BST1: variants seen among roughly 807,000 people sequenced by gnomAD.
BST1 encodes bone marrow stromal cell antigen 1, also known as ADP-ribosyl cyclase/cyclic ADP-ribose hydrolase 2.
A neutral mutation model predicts 40.6 loss-of-function variants in BST1; 49 were observed. The observed-to-expected ratio is 1.21, with a 90% confidence interval of 0.96 to 1.53. The LOEUF is 1.53. Ranked by LOEUF, BST1 falls within the 40% of genes most tolerant of loss-of-function variation. BST1 has a pLI of 0.00. For synonymous variants in BST1, 157 were observed against 159.3 expected (o/e 0.99, Z 0.11); for missense variants, 423 against 395.9 (o/e 1.07, Z -0.58).
downstream of BST1, among the ~76,000 whole-genome samples, chr4:15,739,628 A>G (rs10023845): frequency 0.28 from 41,675 of 149,842 alleles, 6,158 homozygotes; most frequent in East Asian, 0.55. Context: ...AAGGGTTTTC[A>G]TTTGACTTGT....
intron 4 of BST1, 37 bp from the exon 5 acceptor site, chr4:15,715,248 G>C (rs757291144): frequency 6.3e-7 from 1 of 1,581,520 alleles, no homozygotes; most frequent in Admixed American, 1.7e-5. Flanking sequence ...AAAATGTCAC[G>C]TCTTTATTTG....
chr4:15,717,760 G>A (rs1288599399), intron 6 of BST1, among the ~76,000 whole-genome samples: 1 of 152,196 alleles, frequency 6.6e-6, no homozygotes, highest in Non-Finnish European at 1.5e-5. Context: ...ATTAGAGAAA[G>A]TATGAAAATA....
intron 3 of BST1, among the ~76,000 whole-genome samples, 195 bp from the exon 4 acceptor site, chr4:15,711,612 T>C (rs1720208562): frequency 6.6e-6 from 1 of 152,236 alleles, no homozygotes; most frequent in Non-Finnish European, 1.5e-5. Context: ...CCAACATCTT[T>C]AGTATCATGG....
downstream of BST1, among the ~76,000 whole-genome samples, chr4:15,741,729 C>T (rs775207935): frequency 1.2e-4 from 19 of 152,214 alleles, no homozygotes; most frequent in Non-Finnish European, 2.5e-4. Flanking sequence ...TACTGGAACT[C>T]AGCCATGCTC....
chr4:15,768,480 C>CTTTTTTTT, the BST1 span, among the ~76,000 whole-genome samples: 1 of 91,052 alleles, frequency 1.1e-5, no homozygotes, highest in Non-Finnish European at 2.0e-5. Context: ...TGGACAGTAT[C>CTTTTTTTT]TTTTTTTTTT....
downstream of BST1, among the ~76,000 whole-genome samples, chr4:15,735,748 A>T (rs1394145275): frequency 6.6e-6 from 1 of 152,154 alleles, no homozygotes; most frequent in Non-Finnish European, 1.5e-5. Context: ...AGCTTGGAAA[A>T]CACAGTGTCT....
the BST1 span, among the ~76,000 whole-genome samples, chr4:15,757,960 A>G: frequency 6.6e-6 from 1 of 152,140 alleles, no homozygotes; most frequent in East Asian, 1.9e-4. Flanking sequence ...TTAAACATTA[A>G]ATGTCTAATG....
chr4:15,709,915 A>G (rs2148880715), intron 3 of BST1, among the ~76,000 whole-genome samples: 1 of 152,264 alleles, frequency 6.6e-6, no homozygotes, highest in Non-Finnish European at 1.5e-5. Flanking sequence ...AAAATAGCAA[A>G]GCCAAACCAT....
the BST1 span, among the ~76,000 whole-genome samples, chr4:15,752,703 G>A: frequency 6.6e-6 from 1 of 152,056 alleles, no homozygotes; most frequent in African/African-American, 2.4e-5. Context: ...CAGAAGCAAA[G>A]GCCCCGTGGT....
intron 6 of BST1, among the ~76,000 whole-genome samples, chr4:15,716,425 A>G (rs1413301072): frequency 6.6e-6 from 1 of 152,208 alleles, no homozygotes; most frequent in African/African-American, 2.4e-5. Context: ...GCCATGATGG[A>G]GATTCAGAAG....
At chr4:15,743,327 A>C in the BST1 span, 1 of 349,444 alleles carries the variant, frequency 2.9e-6, no homozygotes, top group Non-Finnish European at 5.6e-6. Flanking sequence ...AAAAGCATGC[A>C]CATCTTACAG....
downstream of BST1, among the ~76,000 whole-genome samples, chr4:15,736,631 G>A (rs1397053408): frequency 5.3e-5 from 8 of 151,488 alleles, no homozygotes; most frequent in South Asian, 2.1e-4. Flanking sequence ...AAAAATCTGC[G>A]ATTCAAGATC....
intron 5 of BST1, 21 bp downstream of exon 5, chr4:15,715,382 A>C (rs1720453517): frequency 6.2e-7 from 1 of 1,610,254 alleles, no homozygotes; most frequent in South Asian, 1.1e-5. Context: ...CAGCACATTC[A>C]AACACAAGAG....
the BST1 span, among the ~76,000 whole-genome samples, chr4:15,753,290 C>G: frequency 6.6e-6 from 1 of 152,126 alleles, no homozygotes; most frequent in African/African-American, 2.4e-5. Context: ...TATGTCAGAG[C>G]TGATAGCATG....
At chr4:15,746,147 C>T in the BST1 span, among the ~76,000 whole-genome samples, 125 of 152,328 alleles carry the variant, frequency 8.2e-4, no homozygotes, top group Middle Eastern at 3.4e-3. Flanking sequence ...TCATAAAATA[C>T]CACCATCTGG....
intron 3 of BST1, among the ~76,000 whole-genome samples, chr4:15,708,663 G>T (rs1292477378): frequency 6.6e-6 from 1 of 152,172 alleles, no homozygotes; most frequent in African/African-American, 2.4e-5. Flanking sequence ...TGGATCATTT[G>T]AGGTCACGAG....
the BST1 span, among the ~76,000 whole-genome samples, chr4:15,749,945 T>C: frequency 6.6e-6 from 1 of 151,664 alleles, no homozygotes; most frequent in Admixed American, 6.6e-5. Flanking sequence ...CTTTTTTTTT[T>C]TTTTTTGTAT....
chr4:15,708,432 A>G (rs1720011935), intron 3 of BST1, among the ~76,000 whole-genome samples: 1 of 152,156 alleles, frequency 6.6e-6, no homozygotes, highest in African/African-American at 2.4e-5. Flanking sequence ...TGCAGGAAAA[A>G]TGGTGTTCGA....
intron 5 of BST1, 100 bp from the exon 6 acceptor site, chr4:15,715,607 A>G: frequency 8.4e-6 from 8 of 958,028 alleles, no homozygotes; most frequent in Non-Finnish European, 1.5e-6. Context: ...AAAAACTTCT[A>G]AAAGCTCTTT....
Sources: gnomAD v4.1 joint callset for allele counts (sites outside exome capture counted in the v4.1 genomes callset) on GRCh38, gnomAD v4.1.1 for gene constraint, MANE v1.5 for transcripts, NCBI Gene and HGNC (gene_info 2026-07-23, HGNC 2026-07-21) for gene names.